The following LTBP1 variants were observed in gnomAD, a reference collection of about 807,000 sequenced individuals.
LTBP1 encodes the protein latent transforming growth factor beta binding protein 1.
In LTBP1, 129 loss-of-function variants were observed where a neutral mutation model predicts 207.6. The observed-to-expected ratio is 0.62, with a 90% CI of 0.54 to 0.72. The LOEUF (loss-of-function observed/expected upper bound fraction) is 0.72. LTBP1 is among the 30% of genes least tolerant of loss of function. The pLI, the probability that LTBP1 is intolerant of heterozygous loss-of-function variation, is 0.00. For synonymous variants in LTBP1, 963 were observed against 833.7 expected (o/e 1.16, Z -2.67); for missense variants, 2,281 against 2,217.2 (o/e 1.03, Z -0.58).
At chr2:33,162,177 A>T (rs759704845) in intron 5 of LTBP1, among the ~76,000 whole-genome samples, 1 of 152,236 alleles carries the variant, frequency 6.6e-6, no homozygotes, top group Non-Finnish European at 1.5e-5. Context: ...CTAAGGTACC[A>T]GAATAAAGGG....
intron 2 of LTBP1, among the ~76,000 whole-genome samples, chr2:33,002,098 A>G (rs1001002867): frequency 7.4e-6 from 1 of 134,290 alleles, no homozygotes; most frequent in Non-Finnish European, 1.6e-5. Context: ...CCTCCTGGAC[A>G]TGTCCCCTCA....
chr2:33,064,335 A>G (rs781310473), intron 3 of LTBP1, among the ~76,000 whole-genome samples: 1 of 152,210 alleles, frequency 6.6e-6, no homozygotes, highest in Non-Finnish European at 1.5e-5. Context: ...GAAAGGTTTG[A>G]GATTTTATCT....
chr2:33,226,348 A>AT (rs2091436992), intron 9 of LTBP1, among the ~76,000 whole-genome samples: 2 of 152,188 alleles, frequency 1.3e-5, no homozygotes, highest in Admixed American at 6.5e-5. Context: ...ATCTAAAGTA[A>AT]TTGATCCTGG....
At chr2:33,171,873 A>G (rs2085491886) in intron 5 of LTBP1, among the ~76,000 whole-genome samples, 1 of 152,214 alleles carries the variant, frequency 6.6e-6, no homozygotes, top group Non-Finnish European at 1.5e-5. Flanking sequence ...AAAAAAAAGA[A>G]TTTTCAACCC....
chr2:32,948,593 TG>T lies in LTBP1; in HGVS notation c.495-277del, dbSNP rs368915810. On this transcript the variant is annotated intron_variant, in intron 1 of 33. Transcript: ENST00000404816. ...AAATAAATTTGGCTCTACTGTAATT[TG>T]GGGGTAAGAAAACCATTTGTTGGGC... Among the ~76,000 whole-genome samples, 1,256 of 152,344 alleles carry T rather than the reference TG, an allele frequency of 8.2e-3. 12 individuals are homozygous for T. The highest frequency in any genetic ancestry group is 0.012 in the Non-Finnish European group (839 of 68,022).
intron 2 of LTBP1, among the ~76,000 whole-genome samples, chr2:33,008,421 AT>A (rs1177898690): frequency 2.0e-5 from 3 of 152,238 alleles, no homozygotes; most frequent in East Asian, 1.9e-4. Context: ...TTTTAAAAAA[AT>A]ATTATTGATT....
chr2:33,381,483 G>A (rs1165861350), intron 31 of LTBP1, among the ~76,000 whole-genome samples: 1 of 152,164 alleles, frequency 6.6e-6, no homozygotes, highest in African/African-American at 2.4e-5. Flanking sequence ...ACATTTACAG[G>A]AGTCCCACAG....
In LTBP1 at chr2:32,952,441, G is replaced by A. The variant is rs113995486; in HGVS notation, c.565+3496G>A. On this transcript the variant is annotated intron_variant, in intron 2 of 33. Transcript: ENST00000404816. ...CCCTAGGAATCGAAATTATCGTGTG[G>A]GATGTGTCATTTTAGTTAATATTGG... 7.7e-3 allele frequency among the ~76,000 whole-genome samples: 1,170 copies of A among 152,236 alleles called. 11 individuals are homozygous for A. Among genetic ancestry groups the A allele is most frequent in the African/African-American group, 0.026 (1,081 of 41,524 alleles).
intron 9 of LTBP1, among the ~76,000 whole-genome samples, chr2:33,235,680 G>A (rs924709170): frequency 6.6e-6 from 1 of 152,066 alleles, no homozygotes; most frequent in Admixed American, 6.6e-5. Context: ...TAGACTGGAT[G>A]AAGAAAATGT....
intron 3 of LTBP1, among the ~76,000 whole-genome samples, chr2:33,057,750 G>A (rs538920954): frequency 2.2e-4 from 33 of 152,338 alleles, no homozygotes; most frequent in Non-Finnish European, 4.1e-4. Flanking sequence ...CACGCTCACC[G>A]GGAACTCTAG....
chr2:33,334,059 A>C (rs1314284711), intron 24 of LTBP1, among the ~76,000 whole-genome samples: 1 of 152,234 alleles, frequency 6.6e-6, no homozygotes, highest in Non-Finnish European at 1.5e-5. Context: ...CTCTACTAAG[A>C]GGACAAGAAG....
At chr2:33,066,320 G>A (rs751961014) in intron 3 of LTBP1, among the ~76,000 whole-genome samples, 1 of 152,162 alleles carries the variant, frequency 6.6e-6, no homozygotes, top group African/African-American at 2.4e-5. Flanking sequence ...GAGTTGTGAC[G>A]GAGACTGCAT....
chr2:33,138,897 C>G (rs1349153383), intron 5 of LTBP1, among the ~76,000 whole-genome samples: 1 of 121,946 alleles, frequency 8.2e-6, no homozygotes, highest in African/African-American at 3.1e-5. Flanking sequence ...CTCGCTCTGT[C>G]GCCCAGGCTG....
chr2:33,393,124 T>G (rs937357738), intron 32 of LTBP1, among the ~76,000 whole-genome samples: 2 of 152,018 alleles, frequency 1.3e-5, no homozygotes, highest in African/African-American at 4.8e-5. Context: ...TGGGGGTTAG[T>G]GGTACAGATT....
rs376549419 is a variant in LTBP1 at position 33,097,170 on chromosome 2, T to G, written c.864-13412T>G. 2.6e-5 allele frequency among the ~76,000 whole-genome samples: 4 copies of G among 152,312 alleles called. No individual in the cohort carries two copies. In the East Asian group the frequency reaches 7.7e-4, roughly 29 times the overall value. Reference sequence around the variant, plus strand: ...TCTTGATGTTAAAAATTATTCTGCTTTAATGTATCCACCGTGGTCTCTAAA... The same window carrying G: ...TCTTGATGTTAAAAATTATTCTGCTGTAATGTATCCACCGTGGTCTCTAAA... On this transcript the variant is annotated intron_variant, in intron 3 of 33. Transcript: ENST00000404816.
chr2:33,285,368 C>G (rs2093644564), intron 19 of LTBP1, among the ~76,000 whole-genome samples: 1 of 151,112 alleles, frequency 6.6e-6, no homozygotes, highest in Admixed American at 6.6e-5. Context: ...ACTATATTCT[C>G]TTTGGCTTTT....
rs1434142475 is a variant in LTBP1, at chr2:33,273,788, G to C, written c.2743+7G>C. 1.9e-6 allele frequency: 3 copies of C among 1,584,956 alleles called. No individual in the cohort carries two copies. The highest frequency in any genetic ancestry group is 2.6e-6 in the Non-Finnish European group (3 of 1,170,278). ...CAACAGAGGAAATGTGTGGGTAAGA[G>C]ACAATTTGATTGACTAAATTATTAA... On this transcript the variant is annotated splice_region_variant and intron_variant, in intron 16 of 33. Transcript: ENST00000404816.
At chr2:33,014,245 A>G (rs1308797448) in intron 2 of LTBP1, among the ~76,000 whole-genome samples, 1 of 152,184 alleles carries the variant, frequency 6.6e-6, no homozygotes, top group Non-Finnish European at 1.5e-5. Flanking sequence ...TAGAAAAGGC[A>G]TTGGGATGTT....
chr2:32,973,150 T>G (rs964981256), intron 2 of LTBP1, among the ~76,000 whole-genome samples: 2 of 152,166 alleles, frequency 1.3e-5, no homozygotes, highest in Non-Finnish European at 2.9e-5. Context: ...GGATGTCTGT[T>G]AGGTCTACTT....
Sources: gnomAD v4.1 joint callset for allele counts (sites outside exome capture counted in the v4.1 genomes callset) on GRCh38, gnomAD v4.1.1 for gene constraint, MANE v1.5 for transcripts, NCBI Gene and HGNC (gene_info 2026-07-23, HGNC 2026-07-21) for gene names.